DENND2A: variants seen among roughly 807,000 people sequenced by gnomAD.
DENND2A encodes DENN domain-containing protein 2A.
In DENND2A, 53 loss-of-function variants were observed where a neutral mutation model predicts 105.3. That is an observed-to-expected ratio of 0.50 (90% confidence interval 0.40 to 0.63). The LOEUF (loss-of-function observed/expected upper bound fraction) is 0.63, where lower values mean the gene tolerates loss of function less well. DENND2A is among the 30% of genes least tolerant of loss of function. The pLI is 0.00. For synonymous variants in DENND2A, 522 were observed against 508.4 expected, an observed-to-expected ratio of 1.03 and a Z score of -0.36; for missense variants, 1,138 against 1,279.6, an observed-to-expected ratio of 0.89 and a Z score of 1.69.
rs530896227 is a variant in DENND2A, at chr7:140,584,017, G to A, written c.1245+1572C>T. On this transcript the variant is annotated intron_variant, in intron 5 of 19. Coordinates refer to ENST00000496613, the MANE Select transcript of DENND2A (RefSeq NM_015689.5). ...AGCACTTTGGGAGGCCAAGGCGGGC[G>A]GATCACTTGAGGTCAGGAGTTTGAG... 1.5e-4 allele frequency among the ~76,000 whole-genome samples: 23 copies of A among 148,810 alleles called. 1 individual carries two copies. Among genetic ancestry groups the A allele is most frequent in the African/African-American group, 3.9e-4 (15 of 38,656 alleles).
rs780123355 is a variant in DENND2A, at chr7:140,569,694, C to T, written c.1491G>A (p.Lys497=). The change falls in exon 7 of 20, where the codon AAG becomes AAA. Residue 497 remains lysine, a synonymous_variant. Transcript: ENST00000496613. ...INAIYEVRRG[K]KRVKRLSQSM... is the part of the protein sequence containing the mutation. ...ACTGGGACAGCCTCTTCACCCGTTT[C>T]TTTCCTCTCCGGACCTCATAAATGG... 3.1e-6 allele frequency: 5 copies of T among 1,614,056 alleles called. No individual in the cohort carries two copies. Among genetic ancestry groups the T allele is most frequent in the South Asian group, 1.1e-5 (1 of 91,080 alleles).
At chr7:140,579,417 A>C (rs182524577) in intron 5 of DENND2A, among the ~76,000 whole-genome samples, 1 of 151,526 alleles carries the variant, frequency 6.6e-6, no homozygotes, top group East Asian at 1.9e-4. Flanking sequence ...TTTTGAGACG[A>C]AGTCTCTCTC....
At chr7:140,564,506 G>A (rs1160052521) in intron 9 of DENND2A, among the ~76,000 whole-genome samples, 1 of 152,162 alleles carries the variant, frequency 6.6e-6, no homozygotes, top group African/African-American at 2.4e-5. Context: ...ATTCTGCAGT[G>A]TATAATTCCA....
At chr7:140,535,809 TGACTTCA>T (rs1286209589) in intron 14 of DENND2A, among the ~76,000 whole-genome samples, 1 of 151,920 alleles carries the variant, frequency 6.6e-6, no homozygotes, top group Non-Finnish European at 1.5e-5. Context: ...CTCAAACTCC[TGACTTCA>T]GATGATCCAC....
At chr7:140,612,207 C>T (rs1799925077) in intron 1 of DENND2A, among the ~76,000 whole-genome samples, 1 of 150,848 alleles carries the variant, frequency 6.6e-6, no homozygotes, top group Non-Finnish European at 1.5e-5. Flanking sequence ...CCCCATCGCA[C>T]TCCAGCCTGG....
At chr7:140,602,824 A>C (rs1799566393) in intron 2 of DENND2A, among the ~76,000 whole-genome samples, 1 of 151,948 alleles carries the variant, frequency 6.6e-6, no homozygotes, top group African/African-American at 2.4e-5. Context: ...AATTTTTTTT[A>C]AAAACTCAAT....
intron 12 of DENND2A, among the ~76,000 whole-genome samples, chr7:140,553,387 T>C (rs917541525): frequency 6.6e-6 from 1 of 152,214 alleles, no homozygotes; most frequent in African/African-American, 2.4e-5. Flanking sequence ...CCTATCTCAG[T>C]AGATCGAACG....
intron 2 of DENND2A, among the ~76,000 whole-genome samples, chr7:140,602,998 A>C (rs569576717): frequency 6.7e-6 from 1 of 148,608 alleles, no homozygotes; most frequent in South Asian, 2.1e-4. Flanking sequence ...GATCATAATA[A>C]TATGGGCCAG....
chr7:140,562,061 T>G (rs539746742), intron 9 of DENND2A, among the ~76,000 whole-genome samples: 4 of 151,990 alleles, frequency 2.6e-5, no homozygotes, highest in African/African-American at 9.6e-5. Context: ...GAATAATTTT[T>G]GTATTTTTAA....
rs199820192 is a variant in DENND2A at position 140,558,212 on chromosome 7, A to G, written c.1890T>C (p.Ser630=). 6.2e-7 allele frequency: 1 copy of G among 1,612,590 alleles called. No individual in the cohort carries two copies. The highest frequency in any genetic ancestry group is 8.5e-7 in the Non-Finnish European group (1 of 1,178,754). ...CAGTTAAGACAAATGAGAATGTTTC[A>G]CTGTGGTTGGGAAAACACAAATGTA... The part of the protein sequence containing the change: ...KDWVPVQQFT[S]ETFSFVLTGE... Residue 630 remains serine, a splice_region_variant and synonymous_variant, in exon 11 of 20, where the codon AGT becomes AGC. Transcript: ENST00000496613.
In DENND2A at chr7:140,559,515, G is replaced by A. The variant is rs529384075; in HGVS notation, c.1889+193C>T. On this transcript the variant is annotated intron_variant, in intron 10 of 19. Coordinates refer to ENST00000496613, the MANE Select transcript of DENND2A (RefSeq NM_015689.5). This position sits in a 1 kb window ranked among gnomAD's most constrained non-coding sequence, Gnocchi z 4.1. ...TATCCCCAGATTGAGTGGGAAGCCC[G>A]GGAGGTCTGCATGCTGGGCAGGTGA... Among the ~76,000 whole-genome samples the A allele has an allele frequency of 9.2e-5, 14 of 152,262 alleles. No individual in the cohort carries two copies. Among genetic ancestry groups the A allele is most frequent in the East Asian group, 3.9e-4 (2 of 5,174 alleles).
chr7:140,637,760 T>C (rs1437486389), intron 1 of DENND2A, among the ~76,000 whole-genome samples: 1 of 152,180 alleles, frequency 6.6e-6, no homozygotes, highest in Non-Finnish European at 1.5e-5. Flanking sequence ...CAACGTGCTA[T>C]GCCCTACCTG....
rs1351706590 is a variant in DENND2A at position 140,531,992 on chromosome 7, G to T, written c.2328-4497C>A. On this transcript the variant is annotated intron_variant, in intron 14 of 19. Transcript: ENST00000496613. ...AGACTGGGAGTGGGTGCTGGGCACG[G>T]TGGCTCACTCCTGCAATCCCAGCAC... is the stretch of plus-strand genomic sequence containing the variant. Among the ~76,000 whole-genome samples, 2 of 151,834 alleles carry T rather than the reference G, an allele frequency of 1.3e-5. 1 individual carries two copies. The highest frequency in any genetic ancestry group is 4.9e-5 in the African/African-American group (2 of 41,158).
At chr7:140,574,580 G>A (rs1379102295) in intron 5 of DENND2A, among the ~76,000 whole-genome samples, 1 of 152,172 alleles carries the variant, frequency 6.6e-6, no homozygotes, top group Middle Eastern at 3.2e-3. Context: ...TTACAGCTGA[G>A]GCTTTCTGAC....
At chr7:140,526,236 T>G (rs1193755383) in intron 15 of DENND2A, among the ~76,000 whole-genome samples, 1 of 152,178 alleles carries the variant, frequency 6.6e-6, no homozygotes, top group Non-Finnish European at 1.5e-5. Flanking sequence ...GAAACCCACC[T>G]GCAGACTCGG....
At chr7:140,633,366 G>A (rs545516469) in intron 1 of DENND2A, among the ~76,000 whole-genome samples, 3 of 151,830 alleles carry the variant, frequency 2.0e-5, no homozygotes, top group African/African-American at 7.3e-5. Context: ...GTTTGGCCAG[G>A]CTGGTCTCAA....
chr7:140,631,904 C>T (rs912853566), intron 1 of DENND2A, among the ~76,000 whole-genome samples: 5 of 152,070 alleles, frequency 3.3e-5, no homozygotes, highest in African/African-American at 4.8e-5. Context: ...GTCACCACCC[C>T]GACCAAATCT....
intron 14 of DENND2A, among the ~76,000 whole-genome samples, chr7:140,534,081 A>ATTTTTTTTTTTTTT (rs3042407): frequency 0.038 from 3,004 of 79,908 alleles, 322 homozygotes; most frequent in Non-Finnish European, 0.043. Context: ...TGCCTGGTTA[A>ATTTTTTTTTTTTTT]TTTTTTTTTT....
chr7:140,550,210 G>C (rs986162966), intron 12 of DENND2A, among the ~76,000 whole-genome samples: 3 of 151,900 alleles, frequency 2.0e-5, no homozygotes, highest in Non-Finnish European at 4.4e-5. Context: ...TTTTTCTTTT[G>C]AGACAGAGTT....
Sources: gnomAD v4.1 joint callset for allele counts (sites outside exome capture counted in the v4.1 genomes callset) on GRCh38, gnomAD v4.1.1 for gene constraint, Gnocchi (gnomAD v3.1) non-coding constraint, MANE v1.5 for transcripts, NCBI Gene and HGNC (gene_info 2026-07-23, HGNC 2026-07-21) for gene names.